KRT26: variants seen among roughly 807,000 people sequenced by gnomAD.
KRT26 encodes the protein keratin, type I cytoskeletal 26.
KRT26 carries 45 observed loss-of-function variants against 46.1 expected under a neutral mutation model. That is an observed-to-expected ratio of 0.98 (90% CI 0.77 to 1.25). The LOEUF (loss-of-function observed/expected upper bound fraction) is 1.25, where lower values mean the gene tolerates loss of function less well. Among genes scored for constraint, KRT26 ranks in the 50% most tolerant of loss-of-function variants. KRT26 has a pLI of 0.00. For synonymous variants in KRT26, 191 were observed against 209.9 expected, an observed-to-expected ratio of 0.91 and a Z score of 0.78; for missense variants, 582 against 560.1, an observed-to-expected ratio of 1.04 and a Z score of -0.39.
intron 2 of KRT26, 21 bp from the exon 3 acceptor site, chr17:40,770,430 C>T: frequency 1.3e-6 from 2 of 1,560,756 alleles, no homozygotes; most frequent in Non-Finnish European, 1.7e-6. Flanking sequence ...AGTAAGGCAC[C>T]TGAGAGTTGT....
intron 6 of KRT26, among the ~76,000 whole-genome samples, chr17:40,768,221 T>C (rs2038186566): frequency 6.6e-6 from 1 of 152,336 alleles, no homozygotes; most frequent in African/African-American, 2.4e-5. Flanking sequence ...GGCAAGCATT[T>C]AGTAATAGGC....
At position 40,766,573 on chromosome 17, in the gene KRT26, T is replaced by A. The variant is rs767671335; in HGVS notation, c.1349A>T (p.Lys450Met). 18 of 1,613,776 alleles carry A rather than the reference T, an allele frequency of 1.1e-5. No individual in the cohort carries two copies. The Middle Eastern group carries it at 5.0e-4, about 44-fold the overall frequency. ...TGTAATGTTGCTTATTTTAGAGGACTTTTCTTCAACTGAGTGGACTCTCAG... is the reference window on the plus strand; with the variant it reads ...TGTAATGTTGCTTATTTTAGAGGACATTTCTTCAACTGAGTGGACTCTCAG... Residue 450 changes from lysine to methionine, a missense_variant, in exon 8 of 8, where the codon AAG becomes ATG. Coordinates refer to ENST00000335552, the Ensembl canonical transcript of KRT26.
chr17:40,772,151 G>T, exon 1 of KRT26: 1 of 1,576,732 alleles, frequency 6.3e-7, no homozygotes, highest in Non-Finnish European at 8.7e-7. Context: ...CCCAGAAAGA[G>T]GAGCAAAGCC....
rs532739546 is a variant in KRT26, at chr17:40,766,728, T to C, written c.1256-62A>G. 13 of 1,214,080 alleles carry C rather than the reference T, an allele frequency of 1.1e-5. No homozygotes were observed. The Admixed American group carries it at 1.7e-4, about 16-fold the overall frequency. The allele number at this position is 1,214,080 out of a possible 1,614,324, so 75.2% of individuals were successfully genotyped here. A position where few individuals can be genotyped will look rare whatever the true frequency, so the allele number is the denominator to read the frequency against. On this transcript the variant is annotated intron_variant, in intron 7 of 7. Coordinates refer to ENST00000335552, the Ensembl canonical transcript of KRT26. ...TTAACAGGTTGAAAAGTAGCCATAA[T>C]AGGTATGCTTTTTGTTTGTTTGTTT...
At chr17:40,772,064 C>A in exon 1 of KRT26, 1 of 1,614,142 alleles carries the variant, frequency 6.2e-7, no homozygotes. Context: ...CCTACCAGAC[C>A]CAGTTCGCGA....
intron 6 of KRT26, 67 bp downstream of exon 6, chr17:40,768,812 A>G (rs113706184): frequency 1.6e-5 from 13 of 802,858 alleles, no homozygotes; most frequent in Admixed American, 6.1e-5. Flanking sequence ...CAATATTGGC[A>G]TACCTATACT....
At chr17:40,769,981 C>T in exon 4 of KRT26, 1 of 1,614,192 alleles carries the variant, frequency 6.2e-7, no homozygotes, top group Non-Finnish European at 8.5e-7. Context: ...AACCAGGCTT[C>T]AGCATCTTTG....
At chr17:40,770,517 T>C in intron 2 of KRT26, 108 bp from the exon 3 acceptor site, 1 of 813,022 alleles carries the variant, frequency 1.2e-6, no homozygotes, top group East Asian at 2.6e-5. Context: ...TACATACCTC[T>C]GAAGCTTCTT....
At position 40,772,108 on chromosome 17, in the gene KRT26, A is replaced by C. The variant is rs768681988; in HGVS notation, c.6T>G (p.Ser2=). The C allele has an allele frequency of 3.1e-6, 5 of 1,613,576 alleles. No individual in the cohort carries two copies. The South Asian group carries it at 5.5e-5, about 18-fold the overall frequency. Reference sequence around the variant, plus strand: ...TCCTGGATCCACCAGAAAGTCGAAAAGACATGGTGGCAGCACAGCCGGGCA... The same window carrying C: ...TCCTGGATCCACCAGAAAGTCGAAACGACATGGTGGCAGCACAGCCGGGCA... Residue 2 remains serine (S), a synonymous_variant, in exon 1 of 8, where the codon TCT becomes TCG. Transcript: ENST00000335552.
chr17:40,770,370 G>A (rs759949567), exon 3 of KRT26: 4 of 1,612,620 alleles, frequency 2.5e-6, no homozygotes, highest in Non-Finnish European at 3.4e-6. Flanking sequence ...CACTGGTGTC[G>A]GCCTCAACAC....
intron 6 of KRT26, among the ~76,000 whole-genome samples, chr17:40,768,273 A>C (rs904776715): frequency 1.3e-5 from 2 of 152,224 alleles, no homozygotes; most frequent in African/African-American, 4.8e-5. Context: ...CACTGTCATG[A>C]GCTCTTTACC....
chr17:40,769,901 G>A, intron 4 of KRT26, 22 bp from the exon 5 acceptor site: 1 of 1,614,102 alleles, frequency 6.2e-7, no homozygotes, highest in South Asian at 1.1e-5. Flanking sequence ...TTGTCGAAAG[G>A]GTTAGTGACT....
At chr17:40,767,689 T>G (rs764404192) in intron 6 of KRT26, 36 bp from the exon 7 acceptor site, 2 of 1,281,654 alleles carry the variant, frequency 1.6e-6, no homozygotes, top group South Asian at 1.3e-5. Flanking sequence ...CATTTTTTTT[T>G]CTTTCCTTAG....
At chr17:40,769,169 A>AT (rs1247400942) in intron 5 of KRT26, 73 bp from the exon 6 acceptor site, 8 of 954,740 alleles carry the variant, frequency 8.4e-6, no homozygotes, top group Non-Finnish European at 1.3e-5. Flanking sequence ...TATTTTATTT[A>AT]TTTTTTTGAG....
exon 2 of KRT26, chr17:40,771,215 T>C: frequency 6.2e-7 from 1 of 1,605,334 alleles, no homozygotes; most frequent in Non-Finnish European, 8.5e-7. Flanking sequence ...ATGCTGGCAT[T>C]GCAGATGGTC....
chr17:40,769,176 TG>T, intron 5 of KRT26, 80 bp from the exon 6 acceptor site: 1 of 913,252 alleles, frequency 1.1e-6, no homozygotes. Flanking sequence ...TTTATTTTTT[TG>T]AGACTGTGTC....
chr17:40,771,339 T>C (rs2038219766), intron 1 of KRT26, 103 bp from the exon 2 acceptor site: 1 of 651,770 alleles, frequency 1.5e-6, no homozygotes, highest in African/African-American at 1.8e-5. Context: ...ACATCTGTTT[T>C]AGTATCTTTT....
chr17:40,769,353 C>T (rs911481745), intron 5 of KRT26, among the ~76,000 whole-genome samples: 1 of 152,108 alleles, frequency 6.6e-6, no homozygotes, highest in Non-Finnish European at 1.5e-5. Context: ...GATGGGGTTT[C>T]ACCATGTTGG....
intron 3 of KRT26, 27 bp downstream of exon 3, chr17:40,770,226 A>C: frequency 1.9e-6 from 3 of 1,614,072 alleles, no homozygotes; most frequent in Non-Finnish European, 2.5e-6. Flanking sequence ...TAGAAACTGT[A>C]TGAAGCCACT....
Sources: allele counts gnomAD v4.1 joint callset (sites outside exome capture counted in the v4.1 genomes callset), GRCh38; gene constraint gnomAD v4.1.1; transcripts MANE v1.5; gene names NCBI Gene and HGNC (gene_info 2026-07-23, HGNC 2026-07-21).